MAP4K5: variants seen among roughly 807,000 people sequenced by gnomAD.
The protein encoded by MAP4K5 is mitogen-activated protein kinase kinase kinase kinase 5.
MAP4K5 carries 82 observed loss-of-function variants against 135.6 expected under a neutral mutation model. The ratio of observed to expected loss-of-function variants is 0.60; its 90% CI spans 0.51 to 0.73. MAP4K5 has a LOEUF of 0.73. MAP4K5 is among the 30% of genes least tolerant of loss of function. The pLI is 0.00. For missense variants in MAP4K5, 907 were observed against 1,010.9 expected, an observed-to-expected ratio of 0.90 and a Z score of 1.39; for synonymous variants, 347 against 335.0, an observed-to-expected ratio of 1.04 and a Z score of -0.39.
intron 2 of MAP4K5, among the ~76,000 whole-genome samples, chr14:50,519,388 C>T (rs2038100367): frequency 6.6e-6 from 1 of 152,138 alleles, no homozygotes; most frequent in South Asian, 2.1e-4. Flanking sequence ...GGTACAGTGG[C>T]TCATGCCTGT....
At position 50,437,528 on chromosome 14, in the gene MAP4K5, G is replaced by C; in HGVS notation, c.1830C>G (p.Phe610Leu). Reference protein sequence around the residue: ...RFPDRILPRKFALTTKIPDTK... With the variant: ...RFPDRILPRKLALTTKIPDTK... Reference sequence around the variant, plus strand: ...TATCAGGAATCTTTGTTGTTAAAGCGAATTTTCTGAAAACGTAAGACGATA... The same window carrying C: ...TATCAGGAATCTTTGTTGTTAAAGCCAATTTTCTGAAAACGTAAGACGATA... The change falls in exon 26 of 33, where the codon TTC becomes TTG. Residue 610 changes from phenylalanine (F) to leucine (L), a missense_variant. Phe to Leu is a conservative substitution (Grantham distance 22, BLOSUM62 0). This residue lies in a region of MAP4K5 where 690 missense variants were observed against 777.4 expected (regional missense o/e 0.89). Coordinates refer to ENST00000682126, the MANE Select transcript of MAP4K5 (RefSeq NM_006575.6). 6.3e-7 allele frequency: 1 copy of C among 1,596,772 alleles called. No homozygotes were observed. Among genetic ancestry groups the C allele is most frequent in the Non-Finnish European group, 8.5e-7 (1 of 1,171,656 alleles).
At chr14:50,499,277 A>T (rs1423139803) in intron 3 of MAP4K5, among the ~76,000 whole-genome samples, 1 of 152,196 alleles carries the variant, frequency 6.6e-6, no homozygotes, top group Non-Finnish European at 1.5e-5. Context: ...AAACAGAAAG[A>T]ATGCTGGTAG....
At chr14:50,464,006 CTAATT>C in intron 12 of MAP4K5, 41 bp downstream of exon 12, 1 of 1,030,754 alleles carries the variant, frequency 9.7e-7, no homozygotes, top group Non-Finnish European at 1.4e-6. Flanking sequence ...ACTGATATGT[CTAATT>C]TATGACTATA....
rs1286788762 is a variant in MAP4K5 at position 50,434,433 on chromosome 14, A to G, written c.2125T>C (p.Leu709=). ...NQVVQFETIN[L]NSASSWFTEI... ...GTAAACCATGAAGATGCAGAGTTCA[A>G]ATTGATTGTCTCAAACTGAACTACC... is the stretch of plus-strand genomic sequence containing the variant. The change falls in exon 28 of 33, where the codon TTG becomes CTG. Residue 709 remains leucine, a synonymous_variant. Coordinates refer to ENST00000682126, the MANE Select transcript of MAP4K5 (RefSeq NM_006575.6). The G allele has an allele frequency of 1.2e-6, 2 of 1,610,126 alleles. No individual in the cohort carries two copies. The highest frequency in any genetic ancestry group is 1.7e-5 in the Admixed American group (1 of 59,496).
At chr14:50,513,547 T>C (rs1595533821) in intron 2 of MAP4K5, among the ~76,000 whole-genome samples, 3 of 150,730 alleles carry the variant, frequency 2.0e-5, no homozygotes, top group Middle Eastern at 3.4e-3. Flanking sequence ...TACATCCTAG[T>C]ATTCATGAAG....
chr14:50,444,067 C>A (rs1250045234), intron 18 of MAP4K5, 31 bp from the exon 19 acceptor site: 1 of 1,440,896 alleles, frequency 6.9e-7, no homozygotes, highest in Non-Finnish European at 9.6e-7. Context: ...AGTTGAATGA[C>A]CACACAAATA....
At position 50,485,654 on chromosome 14, in the gene MAP4K5, A is replaced by G. The variant is rs1309260029; in HGVS notation, c.258-12T>C. ...ATAGTTTTTCCCGACTAATACAAAA[A>G]AAAAAGAAAATTATATTAGCTAGTA... On this transcript the variant is annotated splice_polypyrimidine_tract_variant and intron_variant, in intron 4 of 32. Coordinates refer to ENST00000682126, the MANE Select transcript of MAP4K5 (RefSeq NM_006575.6). 2.0e-6 allele frequency: 3 copies of G among 1,506,700 alleles called. No individual in the cohort carries two copies. The highest frequency in any genetic ancestry group is 9.0e-7 in the Non-Finnish European group (1 of 1,110,634). The allele number at this position is 1,506,700 out of a possible 1,614,324, so 93.3% of individuals were successfully genotyped here.
At chr14:50,444,462 A>G (rs1950729) in intron 18 of MAP4K5, among the ~76,000 whole-genome samples, 151,300 of 152,234 alleles carry the variant, frequency 0.99, 75,197 homozygotes, top group Middle Eastern at 1. Flanking sequence ...ACATCCTGCA[A>G]GAAGGACCAG....
chr14:50,479,897 A>G (rs539334979), intron 6 of MAP4K5, among the ~76,000 whole-genome samples: 3 of 152,236 alleles, frequency 2.0e-5, no homozygotes, highest in South Asian at 2.1e-4. Flanking sequence ...AACTTTCCCA[A>G]CGCCATAAGC....
At chr14:50,425,331 G>T (rs2035822528) in intron 31 of MAP4K5, among the ~76,000 whole-genome samples, 1 of 152,150 alleles carries the variant, frequency 6.6e-6, no homozygotes, top group Admixed American at 6.5e-5. Flanking sequence ...TAACCACTCT[G>T]TAGCTGTAAA....
At chr14:50,535,433 C>T (rs2038479331), upstream of MAP4K5, among the ~76,000 whole-genome samples, 2 of 151,804 alleles carry the variant, frequency 1.3e-5, no homozygotes, top group Non-Finnish European at 3.0e-5. Context: ...CTGGTAATCT[C>T]CTGATTAATC....
At chr14:50,474,972 A>G (rs1343276586) in intron 9 of MAP4K5, 105 bp downstream of exon 9, 2 of 991,236 alleles carry the variant, frequency 2.0e-6, no homozygotes, top group Non-Finnish European at 3.2e-6. Context: ...AGAGCACGCA[A>G]ATCTCCCTAC....
intron 9 of MAP4K5, among the ~76,000 whole-genome samples, chr14:50,473,812 C>T (rs1405067332): frequency 6.9e-6 from 1 of 144,306 alleles, no homozygotes; most frequent in African/African-American, 2.6e-5. Context: ...TAAGCTCTGA[C>T]TCCTGGGTTC....
intron 2 of MAP4K5, among the ~76,000 whole-genome samples, chr14:50,539,000 G>A (rs1044841037): frequency 6.6e-6 from 1 of 152,094 alleles, no homozygotes; most frequent in African/African-American, 2.4e-5. Flanking sequence ...TTTTATAAAT[G>A]GTCCTTTTAT....
intron 2 of MAP4K5, among the ~76,000 whole-genome samples, chr14:50,525,735 T>C (rs2038250113): frequency 6.6e-6 from 1 of 152,038 alleles, no homozygotes; most frequent in Admixed American, 6.5e-5. Context: ...TCCCAGCTAC[T>C]CAGGAGGCTG....
At chr14:50,539,447 A>G (rs1358403205) in intron 2 of MAP4K5, among the ~76,000 whole-genome samples, 1 of 152,244 alleles carries the variant, frequency 6.6e-6, no homozygotes, top group Non-Finnish European at 1.5e-5. Context: ...GAAATCCATT[A>G]TCTCTCATAG....
chr14:50,496,577 T>G (rs78041103), intron 3 of MAP4K5, among the ~76,000 whole-genome samples: 5,176 of 152,080 alleles, frequency 0.034, 90 homozygotes, highest in Middle Eastern at 0.058. Context: ...GATGTGAACA[T>G]GGTTCATTGA....
chr14:50,537,079 C>T (rs2038502758), upstream of MAP4K5, among the ~76,000 whole-genome samples: 1 of 152,228 alleles, frequency 6.6e-6, no homozygotes, highest in African/African-American at 2.4e-5. Flanking sequence ...ACCTTCCCAT[C>T]ACAGGCCAGG....
chr14:50,501,315 T>G (rs569488336), intron 3 of MAP4K5, among the ~76,000 whole-genome samples: 6 of 152,086 alleles, frequency 3.9e-5, no homozygotes, highest in African/African-American at 1.4e-4. Flanking sequence ...ACCCACAAAT[T>G]TAAGTATATT....
Sources: allele counts gnomAD v4.1 joint callset (sites outside exome capture counted in the v4.1 genomes callset), GRCh38; gene constraint gnomAD v4.1.1; regional missense constraint gnomAD v4.1.1; transcripts MANE v1.5; gene names NCBI Gene and HGNC (gene_info 2026-07-23, HGNC 2026-07-21).